The following PRKD1 variants were observed in gnomAD, a reference collection of about 807,000 sequenced individuals.
PRKD1 encodes the protein serine/threonine-protein kinase D1.
In PRKD1, 63 loss-of-function variants were observed where a neutral mutation model predicts 95.9. The observed-to-expected ratio is 0.66, with a 90% CI of 0.54 to 0.81. The LOEUF (loss-of-function observed/expected upper bound fraction) is 0.81, where lower values mean the gene tolerates loss of function less well. Ranked by LOEUF, PRKD1 falls within the 30% of genes least tolerant of loss-of-function variation. PRKD1 has a pLI of 0.00. For synonymous variants in PRKD1, 425 were observed against 423.1 expected (o/e 1.00, Z -0.05); for missense variants, 1,048 against 1,165.3 (o/e 0.90, Z 1.47).
intron 1 of PRKD1, among the ~76,000 whole-genome samples, chr14:29,858,493 A>G (rs1892589503): frequency 6.6e-6 from 1 of 152,198 alleles, no homozygotes; most frequent in African/African-American, 2.4e-5. Flanking sequence ...CCCCATTTCT[A>G]GTTTCACACC....
rs1299663899 is a variant in PRKD1, at chr14:29,786,142, A to T, written c.265-60468T>A. ...CCATTCTGTTGATGTGATGTATCAC[A>T]TTTATTGATTTATGTATGTTGAACC... On this transcript the variant is annotated intron_variant, in intron 1 of 17. Transcript: ENST00000331968. Among the ~76,000 whole-genome samples the T allele has an allele frequency of 2.0e-5, 3 of 152,256 alleles. No homozygotes were observed. The South Asian group carries it at 6.2e-4, about 32-fold the overall frequency.
intron 13 of PRKD1, among the ~76,000 whole-genome samples, chr14:29,612,042 T>C (rs931942379): frequency 1.3e-5 from 2 of 152,194 alleles, no homozygotes; most frequent in African/African-American, 4.8e-5. Context: ...TTCCATGATA[T>C]GCTAAATAAT....
At chr14:29,677,920 A>G (rs1883327884) in intron 2 of PRKD1, among the ~76,000 whole-genome samples, 1 of 152,174 alleles carries the variant, frequency 6.6e-6, no homozygotes, top group African/African-American at 2.4e-5. Context: ...ATAGTTAAAT[A>G]TGATGCTGTT....
chr14:29,645,705 T>G (rs1881079670), intron 4 of PRKD1, among the ~76,000 whole-genome samples: 1 of 151,472 alleles, frequency 6.6e-6, no homozygotes, highest in African/African-American at 2.5e-5. Context: ...TATTAGCCAG[T>G]AGAATCCTAG....
intron 1 of PRKD1, among the ~76,000 whole-genome samples, chr14:29,896,324 C>T (rs2139421719): frequency 6.6e-6 from 1 of 151,794 alleles, no homozygotes; most frequent in Middle Eastern, 3.4e-3. Flanking sequence ...TTAACGTTTC[C>T]CAATTATAAG....
At chr14:29,695,839 G>T (rs1386146519) in intron 2 of PRKD1, among the ~76,000 whole-genome samples, 3 of 152,180 alleles carry the variant, frequency 2.0e-5, no homozygotes, top group Non-Finnish European at 4.4e-5. Context: ...TTTTAAAAAG[G>T]AGAAAGAACG....
intron 1 of PRKD1, among the ~76,000 whole-genome samples, chr14:29,780,531 T>C (rs1182776858): frequency 2.0e-5 from 3 of 152,024 alleles, no homozygotes; most frequent in African/African-American, 7.2e-5. Context: ...AACAGACACA[T>C]GAAAAAATGC....
intron 1 of PRKD1, among the ~76,000 whole-genome samples, chr14:29,830,263 G>C (rs1891349354): frequency 6.6e-6 from 1 of 152,166 alleles, no homozygotes; most frequent in Non-Finnish European, 1.5e-5. Context: ...AGTAGATACA[G>C]TGTACTACAA....
intron 1 of PRKD1, among the ~76,000 whole-genome samples, chr14:29,894,699 G>A (rs774889084): frequency 2.0e-5 from 3 of 152,130 alleles, no homozygotes; most frequent in Admixed American, 6.5e-5. Context: ...AAACACAATG[G>A]ACAAAACTTG....
Position 29,636,454 on chromosome 14 carries a change from T to C in PRKD1, c.1026A>G (p.Glu342=), listed in dbSNP as rs757256453. Residue 342 remains glutamate, a synonymous_variant, in exon 7 of 18, where the codon GAA becomes GAG. Transcript: ENST00000331968. ...CACTATCATTGTCATCACTCCCTTC[T>C]TCCATGACCACATCAGACTCTGCCC... is the stretch of plus-strand genomic sequence containing the variant. ...SPGAESDVVM[E]EGSDDNDSER... The C allele has an allele frequency of 6.2e-7, 1 of 1,614,146 alleles. No homozygotes were observed. Among genetic ancestry groups the C allele is most frequent in the South Asian group, 1.1e-5 (1 of 91,080 alleles).
At chr14:29,691,950 G>C (rs1023888064) in intron 2 of PRKD1, among the ~76,000 whole-genome samples, 6 of 152,090 alleles carry the variant, frequency 3.9e-5, no homozygotes, top group African/African-American at 1.4e-4. Flanking sequence ...TTAGTGAAGA[G>C]GTAGCCTTCT....
chr14:29,774,090 C>T (rs1047772510), intron 1 of PRKD1, among the ~76,000 whole-genome samples: 2 of 152,152 alleles, frequency 1.3e-5, no homozygotes, highest in Non-Finnish European at 2.9e-5. Context: ...CTTGAAAATA[C>T]TGGGGTGTGG....
chr14:29,692,951 G>A (rs1230550456), intron 2 of PRKD1, among the ~76,000 whole-genome samples: 1 of 152,162 alleles, frequency 6.6e-6, no homozygotes, highest in Non-Finnish European at 1.5e-5. Context: ...AAGAAGTGAA[G>A]TATAGGCCAT....
chr14:29,622,901 A>G (rs1371126997), intron 13 of PRKD1, among the ~76,000 whole-genome samples: 1 of 152,196 alleles, frequency 6.6e-6, no homozygotes, highest in Non-Finnish European at 1.5e-5. Context: ...AAGAATAAAT[A>G]TCTCCTGTAC....
chr14:29,749,101 A>G (rs1410954201), intron 1 of PRKD1, among the ~76,000 whole-genome samples: 1 of 152,126 alleles, frequency 6.6e-6, no homozygotes, highest in Non-Finnish European at 1.5e-5. Context: ...GCTTTTCTGC[A>G]TTTTTCAAAC....
chr14:29,590,464 C>T lies in PRKD1; in HGVS notation c.2434+7027G>A, dbSNP rs1443318263. On this transcript the variant is annotated intron_variant, in intron 16 of 17. Transcript: ENST00000331968. The stretch of plus-strand genomic sequence containing the variant: ...AAACACACATAACACCACTCATTCA[C>T]TCTGACAGAATCCCATTATGAACTC... 2.6e-5 allele frequency among the ~76,000 whole-genome samples: 4 copies of T among 152,170 alleles called. No individual in the cohort carries two copies. The East Asian group carries it at 5.8e-4, about 22-fold the overall frequency.
rs1182598670 is a variant in PRKD1, at chr14:29,826,840, CACACAT to C, written c.264+100403_264+100408del. On this transcript the variant is annotated intron_variant, in intron 1 of 17. Transcript: ENST00000331968. ...ACATATATATATATATATATATATA[CACACAT>C]ATATATATATATATATATATATATA... 4.4e-3 allele frequency among the ~76,000 whole-genome samples: 68 copies of C among 15,444 alleles called. 18 individuals are homozygous for C. The highest frequency in any genetic ancestry group is 0.017 in the African/African-American group (65 of 3,756). 10.1% of individuals were successfully genotyped at this position (15,444 alleles called of 152,430 possible).
rs541096430 is a variant in PRKD1, at chr14:29,579,376, CAA to C, written c.2435-1018_2435-1017del. ...AACCTAATAGGAAGCATTTATATTT[CAA>C]AGAGTTAATTTTTGCCCTTAACCTA... On this transcript the variant is annotated intron_variant, in intron 16 of 17. Transcript: ENST00000331968. Among the ~76,000 whole-genome samples, 424 of 152,148 alleles carry C rather than the reference CAA, an allele frequency of 2.8e-3. 2 individuals are homozygous for C. Among genetic ancestry groups the C allele is most frequent in the Middle Eastern group, 0.01 (3 of 294 alleles).
At chr14:29,790,659 C>T (rs994635500) in intron 1 of PRKD1, among the ~76,000 whole-genome samples, 1 of 152,136 alleles carries the variant, frequency 6.6e-6, no homozygotes, top group Non-Finnish European at 1.5e-5. Context: ...AACTATACAT[C>T]CTTCTAAAGA....
Sources: gnomAD v4.1 joint callset for allele counts (sites outside exome capture counted in the v4.1 genomes callset) on GRCh38, gnomAD v4.1.1 for gene constraint, MANE v1.5 for transcripts, NCBI Gene and HGNC (gene_info 2026-07-23, HGNC 2026-07-21) for gene names.